The following MAGI2 variants were observed in gnomAD, a reference collection of about 807,000 sequenced individuals.
MAGI2 encodes membrane-associated guanylate kinase, WW and PDZ domain-containing protein 2.
MAGI2 carries 35 observed loss-of-function variants against 133.3 expected under a neutral mutation model. The ratio of observed to expected loss-of-function variants is 0.26; its 90% CI spans 0.20 to 0.35. The LOEUF (loss-of-function observed/expected upper bound fraction) is 0.35, where lower values mean the gene tolerates loss of function less well. Ranked by LOEUF, MAGI2 falls within the 10% of genes least tolerant of loss-of-function variation. MAGI2 has a pLI of 1.00. For missense variants in MAGI2, 1,636 were observed against 1,863.4 expected (o/e 0.88, Z 2.25); for synonymous variants, 729 against 710.6 (o/e 1.03, Z -0.41).
At chr7:78,398,991 T>C (rs999611068) in intron 6 of MAGI2, among the ~76,000 whole-genome samples, 1 of 152,194 alleles carries the variant, frequency 6.6e-6, no homozygotes, top group African/African-American at 2.4e-5. Flanking sequence ...CATCTCCTGA[T>C]ACCAGGCAAT....
At chr7:79,428,195 G>A (rs1266779309) in intron 1 of MAGI2, among the ~76,000 whole-genome samples, 1 of 152,118 alleles carries the variant, frequency 6.6e-6, no homozygotes, top group East Asian at 1.9e-4. Context: ...TGCAAGAGAG[G>A]ACTGGATGAA....
intron 2 of MAGI2, among the ~76,000 whole-genome samples, chr7:79,004,090 C>T (rs1426185825): frequency 6.6e-6 from 1 of 152,158 alleles, no homozygotes; most frequent in East Asian, 1.9e-4. Flanking sequence ...TCAGTAATCC[C>T]ACTACTGGGT....
intron 1 of MAGI2, among the ~76,000 whole-genome samples, chr7:79,023,074 G>A (rs1378727348): frequency 6.6e-6 from 1 of 152,128 alleles, no homozygotes; most frequent in Non-Finnish European, 1.5e-5. Context: ...GAATATAGAT[G>A]CAAAATTCCT....
intron 1 of MAGI2, among the ~76,000 whole-genome samples, chr7:79,232,983 G>A (rs1476614133): frequency 3.1e-5 from 2 of 64,696 alleles, no homozygotes; most frequent in African/African-American, 6.7e-5. Flanking sequence ...CAGAGATTCT[G>A]GTATGTTGTG....
intron 6 of MAGI2, among the ~76,000 whole-genome samples, chr7:78,438,990 A>G (rs1787332576): frequency 6.6e-6 from 1 of 152,200 alleles, no homozygotes; most frequent in South Asian, 2.1e-4. Context: ...TCTAAGGTTT[A>G]TAACGTAACT....
At chr7:78,630,529 G>C (rs745661847) in intron 2 of MAGI2, among the ~76,000 whole-genome samples, 2 of 146,214 alleles carry the variant, frequency 1.4e-5, no homozygotes, top group African/African-American at 5.1e-5. Flanking sequence ...TGATTCTCCT[G>C]CCTCAGCCCC....
chr7:78,818,810 T>G (rs1219483745), intron 2 of MAGI2, among the ~76,000 whole-genome samples: 3 of 152,102 alleles, frequency 2.0e-5, no homozygotes, highest in African/African-American at 7.2e-5. Flanking sequence ...CAAATGCACC[T>G]TCTTGGAAGT....
At position 78,527,006 on chromosome 7, in the gene MAGI2, C is replaced by CAAAAAAAAAAAAAAAAAAAAAAAAAAAA. The variant is rs55707442; in HGVS notation, c.539-5389_539-5362dup. On this transcript the variant is annotated intron_variant, in intron 3 of 21. Transcript: ENST00000354212. The stretch of plus-strand genomic sequence containing the variant: ...ATGGTGACAGGGCAAGACTCCATCT[C>CAAAAAAAAAAAAAAAAAAAAAAAAAAAA]AAAAAAAAAAAAAAAAAAAAAAAAA... Among the ~76,000 whole-genome samples the CAAAAAAAAAAAAAAAAAAAAAAAAAAAA allele has an allele frequency of 1.1e-4, 5 of 45,430 alleles. 1 individual carries two copies. The highest frequency in any genetic ancestry group is 2.2e-4 in the Non-Finnish European group (5 of 22,558). The allele number at this position is 45,430 out of a possible 152,430, so 29.8% of individuals were successfully genotyped here.
intron 16 of MAGI2, among the ~76,000 whole-genome samples, chr7:78,147,889 T>A (rs1050913695): frequency 1.3e-5 from 2 of 151,844 alleles, no homozygotes; most frequent in African/African-American, 4.8e-5. Context: ...CCTATTGGAA[T>A]GGCTAAACAT....
chr7:78,693,307 G>A (rs1817162919), intron 2 of MAGI2, among the ~76,000 whole-genome samples: 1 of 152,098 alleles, frequency 6.6e-6, no homozygotes, highest in Admixed American at 6.6e-5. Flanking sequence ...TATTAGTATT[G>A]GTGGCAGTTG....
intron 2 of MAGI2, among the ~76,000 whole-genome samples, chr7:78,854,415 A>G (rs905326906): frequency 1.3e-5 from 2 of 152,262 alleles, no homozygotes; most frequent in Middle Eastern, 3.4e-3. Context: ...TGAGTAAGGA[A>G]AAATTTAGAA....
chr7:78,394,407 T>C (rs972501132), intron 6 of MAGI2, among the ~76,000 whole-genome samples: 5 of 152,200 alleles, frequency 3.3e-5, no homozygotes, highest in African/African-American at 7.2e-5. Context: ...TGCCATGACC[T>C]GCCATGGTCA....
At chr7:78,556,400 C>T (rs1799827248) in intron 3 of MAGI2, among the ~76,000 whole-genome samples, 1 of 152,180 alleles carries the variant, frequency 6.6e-6, no homozygotes, top group Admixed American at 6.5e-5. Flanking sequence ...CCAACATGGG[C>T]TGATTTCACA....
chr7:78,741,112 A>C (rs1822377690), intron 2 of MAGI2, among the ~76,000 whole-genome samples: 1 of 152,164 alleles, frequency 6.6e-6, no homozygotes, highest in Non-Finnish European at 1.5e-5. Flanking sequence ...GATTCTATAC[A>C]CATAAACAGC....
chr7:78,893,292 C>G (rs1796923769), intron 2 of MAGI2, among the ~76,000 whole-genome samples: 1 of 152,310 alleles, frequency 6.6e-6, no homozygotes, highest in East Asian at 1.9e-4. Flanking sequence ...GGACTGTAAA[C>G]TTGTTCAGCC....
intron 2 of MAGI2, among the ~76,000 whole-genome samples, chr7:78,876,251 G>A (rs1795407312): frequency 7.1e-6 from 1 of 141,472 alleles, no homozygotes; most frequent in Non-Finnish European, 1.5e-5. Flanking sequence ...GAACCCAGGA[G>A]GTGGACATTG....
intron 1 of MAGI2, among the ~76,000 whole-genome samples, chr7:79,007,488 G>T (rs1171201205): frequency 6.6e-6 from 1 of 151,912 alleles, no homozygotes; most frequent in Admixed American, 6.6e-5. Flanking sequence ...TGTTACTCTT[G>T]AATCATACTG....
chr7:78,281,931 T>C (rs1795640721), intron 9 of MAGI2, among the ~76,000 whole-genome samples: 1 of 151,944 alleles, frequency 6.6e-6, no homozygotes, highest in Non-Finnish European at 1.5e-5. Context: ...TGTTCCATAT[T>C]TCTCCCATTC....
chr7:78,636,776 T>C (rs1257085779), intron 2 of MAGI2, among the ~76,000 whole-genome samples: 3 of 152,002 alleles, frequency 2.0e-5, no homozygotes, highest in Non-Finnish European at 2.9e-5. Context: ...CCAACCTGGG[T>C]GACAGAGCAA....
Sources: allele counts gnomAD v4.1 joint callset (sites outside exome capture counted in the v4.1 genomes callset), GRCh38; gene constraint gnomAD v4.1.1; transcripts MANE v1.5; gene names NCBI Gene and HGNC (gene_info 2026-07-23, HGNC 2026-07-21).